The following BBX variants were observed in gnomAD, a reference collection of about 807,000 sequenced individuals.
BBX encodes HMG box transcription factor BBX.
In BBX, 30 loss-of-function variants were observed where a neutral mutation model predicts 100.2. The ratio of observed to expected loss-of-function variants is 0.30; its 90% CI spans 0.22 to 0.41. The LOEUF is 0.41. BBX is among the 10% of genes least tolerant of loss of function. The pLI, the probability that BBX is intolerant of heterozygous loss-of-function variation, is 1.00. For synonymous variants in BBX, 376 were observed against 388.1 expected (o/e 0.97, Z 0.37); for missense variants, 1,023 against 1,129.8 (o/e 0.91, Z 1.35).
chr3:107,744,303 T>G (rs2064385420), intron 7 of BBX, among the ~76,000 whole-genome samples: 1 of 152,100 alleles, frequency 6.6e-6, no homozygotes, highest in African/African-American at 2.4e-5. Flanking sequence ...GGAGAGGAAG[T>G]GTCAAAGTTT....
chr3:107,550,706 C>T (rs186223174), intron 2 of BBX, among the ~76,000 whole-genome samples: 248 of 152,186 alleles, frequency 1.6e-3, no homozygotes, highest in Non-Finnish European at 3.0e-3. Context: ...GCCAGGCCAA[C>T]CATGTAGGAT....
intron 3 of BBX, among the ~76,000 whole-genome samples, chr3:107,697,520 G>A (rs924440344): frequency 2.1e-4 from 32 of 152,014 alleles, no homozygotes; most frequent in Non-Finnish European, 3.8e-4. Context: ...GGGGTCAGGG[G>A]TCAGGGACCC....
chr3:107,749,756 C>T (rs1329759973), intron 9 of BBX, among the ~76,000 whole-genome samples: 3 of 151,984 alleles, frequency 2.0e-5, no homozygotes, highest in Non-Finnish European at 4.4e-5. Context: ...GCCTCAGCCT[C>T]CTGAGTAGCT....
At chr3:107,800,914 A>G (rs1045942125) in intron 16 of BBX, among the ~76,000 whole-genome samples, 181 bp from the exon 17 acceptor site, 2 of 152,238 alleles carry the variant, frequency 1.3e-5, no homozygotes, top group South Asian at 2.1e-4. Context: ...ACTAAGCTTA[A>G]TAAAAGAGCT....
intron 10 of BBX, among the ~76,000 whole-genome samples, chr3:107,770,488 CA>C (rs1560128483): frequency 1.3e-5 from 2 of 152,102 alleles, no homozygotes; most frequent in Non-Finnish European, 2.9e-5. Context: ...AAAATTATTT[CA>C]AAATTGATAT....
chr3:107,630,757 C>A (rs1034666091), intron 2 of BBX, among the ~76,000 whole-genome samples: 1 of 152,128 alleles, frequency 6.6e-6, no homozygotes, highest in African/African-American at 2.4e-5. Flanking sequence ...CATGTGCTGT[C>A]GGGATGGGGT....
intron 10 of BBX, among the ~76,000 whole-genome samples, chr3:107,770,194 G>T (rs1339878429): frequency 1.3e-5 from 2 of 152,096 alleles, no homozygotes; most frequent in Non-Finnish European, 2.9e-5. Context: ...GAATCATTTT[G>T]AAATATATTG....
At chr3:107,534,583 G>C (rs2048367076) in intron 2 of BBX, among the ~76,000 whole-genome samples, 1 of 152,000 alleles carries the variant, frequency 6.6e-6, no homozygotes, top group Non-Finnish European at 1.5e-5. Context: ...ATGGGAATAG[G>C]GAGTTGAGCT....
chr3:107,727,386 T>G (rs1994925), intron 5 of BBX, among the ~76,000 whole-genome samples: 17,455 of 152,138 alleles, frequency 0.11, 1,354 homozygotes, highest in Non-Finnish European at 0.17. Flanking sequence ...ACTGTGGTAG[T>G]GTGTCTCTTG....
At chr3:107,557,793 C>T (rs2050190611) in intron 2 of BBX, among the ~76,000 whole-genome samples, 1 of 152,164 alleles carries the variant, frequency 6.6e-6, no homozygotes, top group Non-Finnish European at 1.5e-5. Context: ...ACCTTAAGCT[C>T]AGTAGATTGA....
At chr3:107,677,204 A>C (rs748032191) in intron 3 of BBX, among the ~76,000 whole-genome samples, 7 of 152,146 alleles carry the variant, frequency 4.6e-5, no homozygotes, top group Non-Finnish European at 8.8e-5. Flanking sequence ...TTACATTCTT[A>C]ATTTTATAAA....
At chr3:107,597,365 A>G (rs2053734059) in intron 2 of BBX, among the ~76,000 whole-genome samples, 1 of 152,180 alleles carries the variant, frequency 6.6e-6, no homozygotes, top group Non-Finnish European at 1.5e-5. Flanking sequence ...AAAAAGTATC[A>G]TTAGAGTGAT....
chr3:107,787,980 G>A (rs2068610639), intron 13 of BBX, among the ~76,000 whole-genome samples: 1 of 152,150 alleles, frequency 6.6e-6, no homozygotes, highest in African/African-American at 2.4e-5. Context: ...ATGAGGTTAT[G>A]GAGGTAATGG....
At chr3:107,798,907 T>G (rs1006708580) in intron 16 of BBX, among the ~76,000 whole-genome samples, 187 bp downstream of exon 16, 1 of 150,948 alleles carries the variant, frequency 6.6e-6, no homozygotes, top group African/African-American at 2.4e-5. Context: ...TCCCAACGCT[T>G]TAGGAGGCTG....
Position 107,789,846 on chromosome 3 carries a change from A to C in BBX, c.2263A>C (p.Lys755Gln). 1 of 1,550,394 alleles carries C rather than the reference A, an allele frequency of 6.4e-7. No homozygotes were observed. The highest frequency in any genetic ancestry group is 8.7e-7 in the Non-Finnish European group (1 of 1,146,048). Reference protein sequence around the residue: ...FHKIVSKYKHKKEKPNVPEKG... With the variant: ...FHKIVSKYKHQKEKPNVPEKG... Reference sequence around the variant, plus strand: ...CAAAATTGTCAGCAAATATAAGCACAAAAAGGAGAAGCCCAATGTTCCGGA... The same window carrying C: ...CAAAATTGTCAGCAAATATAAGCACCAAAAGGAGAAGCCCAATGTTCCGGA... The change falls in exon 14 of 18, where the codon AAA becomes CAA. Residue 755 changes from lysine (K) to glutamine (Q), a missense_variant. By Grantham distance (53) the Lys-to-Gln change is moderately conservative. Coordinates refer to ENST00000325805, the MANE Select transcript of BBX (RefSeq NM_001142568.3).
intron 2 of BBX, among the ~76,000 whole-genome samples, chr3:107,604,685 C>A (rs1168062255): frequency 6.6e-6 from 1 of 152,136 alleles, no homozygotes. Context: ...AGTTCTTTTT[C>A]AAGTACATAA....
intron 2 of BBX, among the ~76,000 whole-genome samples, chr3:107,570,676 G>A (rs535244012): frequency 6.6e-6 from 1 of 152,072 alleles, no homozygotes; most frequent in African/African-American, 2.4e-5. Flanking sequence ...ATTATAGGGT[G>A]GGGGAGCGGA....
intron 13 of BBX, among the ~76,000 whole-genome samples, chr3:107,781,039 CTT>C (rs1360254222): frequency 1.3e-5 from 2 of 151,882 alleles, no homozygotes; most frequent in African/African-American, 4.8e-5. Flanking sequence ...TCCTTCATGA[CTT>C]ATACTAGGTG....
At chr3:107,649,629 A>G (rs541926921) in intron 3 of BBX, among the ~76,000 whole-genome samples, 1 of 142,364 alleles carries the variant, frequency 7.0e-6, no homozygotes, top group Non-Finnish European at 1.5e-5. Flanking sequence ...GACATCCGAC[A>G]GTGCATATCT....
Sources: allele counts gnomAD v4.1 joint callset (sites outside exome capture counted in the v4.1 genomes callset), GRCh38; gene constraint gnomAD v4.1.1; transcripts MANE v1.5; gene names NCBI Gene and HGNC (gene_info 2026-07-23, HGNC 2026-07-21).